FMN2: variants seen among roughly 807,000 people sequenced by gnomAD.
FMN2 encodes formin-2.
Under a neutral mutation model 142.3 loss-of-function variants are expected in FMN2, and 51 were observed. The ratio of observed to expected loss-of-function variants is 0.36; its 90% CI spans 0.29 to 0.45. The LOEUF is 0.45. Ranked by LOEUF, FMN2 falls within the 20% of genes least tolerant of loss-of-function variation. FMN2 has a pLI of 1.00. For missense variants in FMN2, 1,936 were observed against 2,122.8 expected (o/e 0.91, Z 1.73); for synonymous variants, 882 against 869.8 (o/e 1.01, Z -0.25).
chr1:240,361,164 T>A (rs1295684504), intron 14 of FMN2, among the ~76,000 whole-genome samples: 2 of 65,770 alleles, frequency 3.0e-5, no homozygotes, highest in African/African-American at 1.5e-4. Context: ...TATATATATA[T>A]ATATATATAT....
intron 4 of FMN2, among the ~76,000 whole-genome samples, chr1:240,201,901 G>T (rs1258375326): frequency 6.6e-6 from 1 of 152,132 alleles, no homozygotes; most frequent in Non-Finnish European, 1.5e-5. Flanking sequence ...TGTGTCTAAG[G>T]TGACACTTTT....
At chr1:240,245,537 G>A (rs1054039483) in intron 6 of FMN2, 3 of 471,398 alleles carry the variant, frequency 6.4e-6, no homozygotes, top group African/African-American at 6.0e-5. Flanking sequence ...TCTAGGGGTT[G>A]TGAAATAGAG....
At chr1:240,243,120 G>A (rs1377114554) in intron 6 of FMN2, among the ~76,000 whole-genome samples, 2 of 151,836 alleles carry the variant, frequency 1.3e-5, no homozygotes, top group East Asian at 1.9e-4. Flanking sequence ...CTTGGTTGCG[G>A]GAGTAGACCG....
intron 6 of FMN2, among the ~76,000 whole-genome samples, chr1:240,238,710 A>C (rs184852017): frequency 2.0e-5 from 3 of 152,314 alleles, no homozygotes; most frequent in South Asian, 4.1e-4. Flanking sequence ...ACTCAGGTTC[A>C]AATACATTTA....
rs60368715 is a variant in FMN2 at position 240,367,767 on chromosome 1, CAAAAA to C, written c.4858+11879_4858+11883del. ...TGGGTGACAGAGCGAGACTCAGTCT[CAAAAA>C]AAAAAAAAAAAAAAAAAAAGAAATC... is the stretch of plus-strand genomic sequence containing the variant. On this transcript the variant is annotated intron_variant, in intron 14 of 17. Transcript: ENST00000319653. 7.9e-3 allele frequency among the ~76,000 whole-genome samples: 428 copies of C among 54,044 alleles called. 3 individuals carry two copies. The highest frequency in any genetic ancestry group is 0.02 in the African/African-American group (401 of 20,412). 35.5% of individuals were successfully genotyped at this position (54,044 alleles called of 152,430 possible). A position where few individuals can be genotyped will look rare whatever the true frequency, so the allele number is the denominator to read the frequency against.
At chr1:240,286,518 A>G (rs765515795) in intron 7 of FMN2, among the ~76,000 whole-genome samples, 5 of 152,176 alleles carry the variant, frequency 3.3e-5, no homozygotes, top group African/African-American at 4.8e-5. Context: ...TTTCTCAGTG[A>G]AAGTTATGGT....
At chr1:240,322,202 A>T (rs1006920427) in intron 8 of FMN2, among the ~76,000 whole-genome samples, 4 of 32,480 alleles carry the variant, frequency 1.2e-4, no homozygotes, top group Admixed American at 1.2e-3. Flanking sequence ...CTATGGTTTA[A>T]AAAAAAATCA....
rs144724784 is a variant in FMN2 at position 240,448,326 on chromosome 1, T to C, written c.5060+10116T>C. ...AACCCACTTCACGAACTCTAAGTCA[T>C]GTTTTAAAAATATACACACATGCAA... On this transcript the variant is annotated intron_variant, in intron 16 of 17. Transcript: ENST00000319653. 3.9e-3 allele frequency among the ~76,000 whole-genome samples: 592 copies of C among 152,318 alleles called. 2 individuals are homozygous for C. The highest frequency in any genetic ancestry group is 0.014 in the African/African-American group (572 of 41,564).
In FMN2 at chr1:240,401,619, A is replaced by T. The variant is rs1673992932; in HGVS notation, c.4910+9057A>T. 2.0e-5 allele frequency among the ~76,000 whole-genome samples: 3 copies of T among 152,202 alleles called. No homozygotes were observed. In the South Asian group the frequency reaches 6.2e-4, roughly 32 times the overall value. On this transcript the variant is annotated intron_variant, in intron 15 of 17. Coordinates refer to ENST00000319653, the MANE Select transcript of FMN2 (RefSeq NM_020066.5). ...TGACAAATTTTTGTGCTTGATTTTT[A>T]AAAATGGTTGAGAGTTATTTACAGA...
intron 16 of FMN2, among the ~76,000 whole-genome samples, chr1:240,449,672 G>A (rs544445277): frequency 5.0e-4 from 76 of 152,190 alleles, no homozygotes; most frequent in African/African-American, 1.8e-3. Context: ...GGAGTTCTTC[G>A]GTTTGTGTGA....
intron 8 of FMN2, among the ~76,000 whole-genome samples, chr1:240,325,343 C>CAAAA (rs5782134): frequency 0.014 from 1,467 of 108,024 alleles, 25 homozygotes; most frequent in Non-Finnish European, 0.015. Context: ...ACCCTGTCTC[C>CAAAA]AAAAAAAAAA....
intron 1 of FMN2, among the ~76,000 whole-genome samples, chr1:240,100,725 CTCTATTCTGTGA>C (rs1558295092): frequency 6.6e-6 from 1 of 152,226 alleles, no homozygotes; most frequent in East Asian, 1.9e-4. Context: ...AAATTACTGC[CTCTATTCTGTGA>C]TCCAGTCAGG....
chr1:240,357,469 C>G (rs1051492517), intron 14 of FMN2, among the ~76,000 whole-genome samples: 4 of 152,142 alleles, frequency 2.6e-5, no homozygotes, highest in Admixed American at 6.5e-5. Flanking sequence ...TATGATATCT[C>G]TGGTAGTCAT....
At chr1:240,290,877 G>A (rs959083561) in intron 7 of FMN2, among the ~76,000 whole-genome samples, 7 of 143,098 alleles carry the variant, frequency 4.9e-5, no homozygotes, top group African/African-American at 1.9e-4. Flanking sequence ...GTAGATCTTG[G>A]CCTAGGTAGA....
Position 240,144,103 on chromosome 1 carries a change from G to A in FMN2, c.1782+20758G>A, listed in dbSNP as rs1247953656. The A allele has an allele frequency of 1.8e-5, 20 of 1,130,338 alleles. No homozygotes were observed. The South Asian group carries it at 2.5e-4, about 14-fold the overall frequency. 70.0% of individuals were successfully genotyped at this position (1,130,338 alleles called of 1,614,324 possible). A position where few individuals can be genotyped will look rare whatever the true frequency, so the allele number is the denominator to read the frequency against. ...ACAGGTTACTTCTCAATCTGAATGA[G>A]GCCACCATCCACATCCCACAGCAGC... On this transcript the variant is annotated intron_variant, in intron 2 of 17. Transcript: ENST00000319653.
chr1:240,171,467 C>T (rs1572016028), intron 2 of FMN2, among the ~76,000 whole-genome samples: 1 of 152,090 alleles, frequency 6.6e-6, no homozygotes, highest in Non-Finnish European at 1.5e-5. Context: ...ACTGGACTCT[C>T]CTCCACATAA....
intron 15 of FMN2, among the ~76,000 whole-genome samples, chr1:240,416,606 C>T (rs550490380): frequency 2.0e-5 from 3 of 152,262 alleles, no homozygotes; most frequent in Non-Finnish European, 4.4e-5. Flanking sequence ...TCTTCTCCTC[C>T]TCATTCCATC....
chr1:240,255,874 T>G (rs951050148), intron 6 of FMN2, among the ~76,000 whole-genome samples: 2 of 152,078 alleles, frequency 1.3e-5, no homozygotes, highest in South Asian at 4.1e-4. Flanking sequence ...GGTTATAATG[T>G]GATGAGAATA....
chr1:240,427,276 G>A (rs1674983447), intron 15 of FMN2, among the ~76,000 whole-genome samples: 1 of 151,330 alleles, frequency 6.6e-6, no homozygotes, highest in African/African-American at 2.4e-5. Flanking sequence ...TGCTATCTCG[G>A]CTCACTGCAA....
Sources: gnomAD v4.1 joint callset for allele counts (sites outside exome capture counted in the v4.1 genomes callset) on GRCh38, gnomAD v4.1.1 for gene constraint, MANE v1.5 for transcripts, NCBI Gene and HGNC (gene_info 2026-07-23, HGNC 2026-07-21) for gene names.